BICD1: variants seen among roughly 807,000 people sequenced by gnomAD.
BICD1 encodes BICD cargo adaptor 1.
A neutral mutation model predicts 92.5 loss-of-function variants in BICD1; 35 were observed. The observed-to-expected ratio is 0.38, with a 90% CI of 0.29 to 0.50. The LOEUF is 0.50. Among genes scored for constraint, BICD1 ranks in the 20% least tolerant of loss-of-function variants. The pLI is 0.93. For synonymous variants in BICD1, 429 were observed against 465.1 expected (o/e 0.92, Z 1.00); for missense variants, 950 against 1,189.8 (o/e 0.80, Z 2.97).
chr12:32,165,667 A>G (rs1943739151), intron 1 of BICD1, among the ~76,000 whole-genome samples: 1 of 141,514 alleles, frequency 7.1e-6, no homozygotes, highest in Admixed American at 7.5e-5. Context: ...CTGGTGACAG[A>G]GCCAGACTCT....
rs1007751780 is a variant in BICD1 at position 32,313,261 on chromosome 12, C to T, written c.1005+7139C>T. On this transcript the variant is annotated intron_variant, in intron 4 of 9. Transcript: ENST00000652176. The surrounding 1 kb of genome is among the most constrained non-coding windows in gnomAD (Gnocchi z 4.2). ...TATTCATATTATGTTTTGATCCACT[C>T]TATTAAAGGCAATTTTAGTTTTTTC... 6.6e-6 allele frequency among the ~76,000 whole-genome samples: 1 copy of T among 152,100 alleles called. No homozygotes were observed. The highest frequency in any genetic ancestry group is 2.4e-5 in the African/African-American group (1 of 41,388).
intron 9 of BICD1, 122 bp downstream of exon 9, chr12:32,367,867 G>A (rs1939585295): frequency 1.1e-6 from 1 of 892,358 alleles, no homozygotes; most frequent in Non-Finnish European, 1.8e-6. Flanking sequence ...TATTTCAAGT[G>A]TGGGCTACAT....
In BICD1 at chr12:32,160,726, T is replaced by G. The variant is rs138980876; in HGVS notation, c.213+53182T>G. 1.1e-3 allele frequency among the ~76,000 whole-genome samples: 166 copies of G among 152,372 alleles called. 1 individual carries two copies. Among genetic ancestry groups the G allele is most frequent in the African/African-American group, 3.8e-3 (158 of 41,594 alleles). ...AATTTAGGGTTTATTATATACAAGG[T>G]AGTAAGGTGGGTAGATATTCCTGTT... On this transcript the variant is annotated intron_variant, in intron 1 of 9. Coordinates refer to ENST00000652176, the MANE Select transcript of BICD1 (RefSeq NM_001714.4).
intron 8 of BICD1, among the ~76,000 whole-genome samples, chr12:32,347,138 AC>A (rs1403236852): frequency 6.6e-6 from 1 of 150,736 alleles, no homozygotes; most frequent in Non-Finnish European, 1.5e-5. Context: ...TTTAGTAGAG[AC>A]AGGGTTTCTC....
rs191621916 is a variant in BICD1, at chr12:32,219,418, A to T, written c.426+2959A>T. Among the ~76,000 whole-genome samples, 774 of 152,358 alleles carry T rather than the reference A, an allele frequency of 5.1e-3. 7 individuals carry two copies. Among genetic ancestry groups the T allele is most frequent in the African/African-American group, 0.018 (733 of 41,578 alleles). ...TTAGGTATTAGAAAATCAATATTCT[A>T]GTCAGCTCTGCTGAAAGTTTTAGTA... On this transcript the variant is annotated intron_variant, in intron 2 of 9. Coordinates refer to ENST00000652176, the MANE Select transcript of BICD1 (RefSeq NM_001714.4).
intron 1 of BICD1, among the ~76,000 whole-genome samples, chr12:32,186,870 A>G (rs891710157): frequency 7.2e-5 from 11 of 152,278 alleles, no homozygotes; most frequent in Admixed American, 5.9e-4. Flanking sequence ...AAAATACTTT[A>G]TTTCTTGAGG....
chr12:32,331,335 T>A (rs183072767), intron 5 of BICD1, among the ~76,000 whole-genome samples: 1 of 152,186 alleles, frequency 6.6e-6, no homozygotes, highest in African/African-American at 2.4e-5. Flanking sequence ...ACAGGACTTA[T>A]CAAGCACTTT....
intron 1 of BICD1, among the ~76,000 whole-genome samples, chr12:32,120,661 A>G (rs1327538034): frequency 6.6e-6 from 1 of 152,152 alleles, no homozygotes. Context: ...AGGTTACTGG[A>G]TGGAAACAGC....
intron 2 of BICD1, among the ~76,000 whole-genome samples, chr12:32,234,998 T>G (rs1946020828): frequency 1.3e-5 from 2 of 152,212 alleles, no homozygotes; most frequent in Non-Finnish European, 2.9e-5. Flanking sequence ...ACATCTCGTC[T>G]GAGGCTATCA....
At chr12:32,305,257 A>G (rs11051921) in intron 3 of BICD1, among the ~76,000 whole-genome samples, 25,564 of 152,108 alleles carry the variant, frequency 0.17, 2,754 homozygotes, top group African/African-American at 0.3. Context: ...AAAACAAAGT[A>G]ATGGTGATGA....
intron 1 of BICD1, among the ~76,000 whole-genome samples, chr12:32,212,439 T>C (rs1945243983): frequency 6.6e-6 from 1 of 152,204 alleles, no homozygotes; most frequent in South Asian, 2.1e-4. Context: ...TTTATTTTAT[T>C]TTTGAGACAG....
chr12:32,263,837 C>T (rs745565193), intron 2 of BICD1, among the ~76,000 whole-genome samples: 7 of 152,146 alleles, frequency 4.6e-5, no homozygotes, highest in Non-Finnish European at 1.0e-4. Context: ...AGGGATTGTT[C>T]TACACGTATT....
intron 8 of BICD1, among the ~76,000 whole-genome samples, chr12:32,364,372 C>A (rs114958920): frequency 2.3e-3 from 350 of 152,254 alleles, no homozygotes; most frequent in African/African-American, 8.1e-3. Context: ...TCAGAGCCTG[C>A]AGCATCTCAG....
At chr12:32,203,855 G>A (rs1944976248) in intron 1 of BICD1, among the ~76,000 whole-genome samples, 1 of 152,050 alleles carries the variant, frequency 6.6e-6, no homozygotes, top group African/African-American at 2.4e-5. Flanking sequence ...ACAATAACAT[G>A]TAACTAACAA....
intron 1 of BICD1, among the ~76,000 whole-genome samples, chr12:32,140,427 T>C (rs1942875455): frequency 6.6e-6 from 1 of 152,242 alleles, no homozygotes; most frequent in South Asian, 2.1e-4. Flanking sequence ...AAATGTAATA[T>C]TTTAGAAAAT....
intron 1 of BICD1, among the ~76,000 whole-genome samples, chr12:32,116,598 C>T (rs1191264303): frequency 6.6e-6 from 1 of 151,576 alleles, no homozygotes; most frequent in Non-Finnish European, 1.5e-5. Flanking sequence ...CAGCCCACTG[C>T]AGCCTTGACC....
intron 2 of BICD1, among the ~76,000 whole-genome samples, chr12:32,267,789 G>A (rs1354936433): frequency 6.6e-6 from 1 of 151,858 alleles, no homozygotes; most frequent in East Asian, 1.9e-4. Context: ...TTGTTTCATT[G>A]TCTGACTATC....
chr12:32,340,780 CTGT>C (rs1446021071), intron 8 of BICD1: 2 of 158,628 alleles, frequency 1.3e-5, no homozygotes, highest in African/African-American at 4.8e-5. Flanking sequence ...GTTTCAGATG[CTGT>C]TATCACATTA....
chr12:32,352,860 CA>C (rs1395674445), intron 8 of BICD1: 2 of 152,160 alleles, frequency 1.3e-5, no homozygotes, highest in African/African-American at 2.4e-5. Flanking sequence ...GGTGACAGAA[CA>C]AGACCCTGTC....
Sources: allele counts gnomAD v4.1 joint callset (sites outside exome capture counted in the v4.1 genomes callset), GRCh38; gene constraint gnomAD v4.1.1; non-coding constraint Gnocchi (gnomAD v3.1); transcripts MANE v1.5; gene names NCBI Gene and HGNC (gene_info 2026-07-23, HGNC 2026-07-21).